The following NPAS3 variants were observed in gnomAD, a reference collection of about 807,000 sequenced individuals.
NPAS3 encodes the protein neuronal PAS domain-containing protein 3.
In NPAS3, 14 loss-of-function variants were observed where a neutral mutation model predicts 73.1. The ratio of observed to expected loss-of-function variants is 0.19; its 90% CI spans 0.13 to 0.30. The LOEUF (loss-of-function observed/expected upper bound fraction) is 0.30. NPAS3 is among the 10% of genes least tolerant of loss of function. NPAS3 has a pLI of 1.00. For synonymous variants in NPAS3, 620 were observed against 541.5 expected (o/e 1.14, Z -2.01); for missense variants, 1,096 against 1,250.0 (o/e 0.88, Z 1.86).
At chr14:33,057,410 A>G (rs932632492) in intron 2 of NPAS3, among the ~76,000 whole-genome samples, 1 of 152,218 alleles carries the variant, frequency 6.6e-6, no homozygotes, top group Non-Finnish European at 1.5e-5. Flanking sequence ...GTATACTTTG[A>G]AAAATCCTTT....
chr14:33,702,672 C>G (rs2060553554), intron 6 of NPAS3, among the ~76,000 whole-genome samples: 1 of 152,082 alleles, frequency 6.6e-6, no homozygotes. Context: ...TATCATTTGT[C>G]TGGCTCCTGT....
At chr14:33,770,199 TGGTTGA>T (rs2062607983) in intron 7 of NPAS3, among the ~76,000 whole-genome samples, 1 of 152,222 alleles carries the variant, frequency 6.6e-6, no homozygotes, top group Non-Finnish European at 1.5e-5. Flanking sequence ...TGTGTAGCCA[TGGTTGA>T]GAACCACTGG....
chr14:33,371,080 TG>T (rs1264892180), intron 4 of NPAS3, among the ~76,000 whole-genome samples: 6 of 152,050 alleles, frequency 3.9e-5, no homozygotes, highest in Non-Finnish European at 8.8e-5. Context: ...GAGCCCACTG[TG>T]GGGTATGTCA....
intron 4 of NPAS3, among the ~76,000 whole-genome samples, chr14:33,509,739 C>T (rs1027064626): frequency 3.3e-5 from 5 of 151,946 alleles, no homozygotes; most frequent in African/African-American, 7.3e-5. Context: ...GAACTAATGT[C>T]GGGAAACCTG....
intron 6 of NPAS3, among the ~76,000 whole-genome samples, chr14:33,691,094 G>T (rs2060224173): frequency 6.6e-6 from 1 of 152,178 alleles, no homozygotes; most frequent in Non-Finnish European, 1.5e-5. Context: ...GTTTTGATAA[G>T]CACATTTTAA....
At chr14:33,308,454 T>C (rs756563529) in intron 3 of NPAS3, among the ~76,000 whole-genome samples, 31 of 150,552 alleles carry the variant, frequency 2.1e-4, no homozygotes, top group Admixed American at 5.3e-4. Context: ...AAGAGTGTGA[T>C]TGAAGTTTGG....
intron 1 of NPAS3, among the ~76,000 whole-genome samples, chr14:33,001,317 T>G (rs2038797753): frequency 6.6e-6 from 1 of 152,160 alleles, no homozygotes; most frequent in African/African-American, 2.4e-5. Flanking sequence ...AACTCAGTCT[T>G]GTGTCCCCAC....
chr14:33,694,228 A>G (rs2060312423), intron 6 of NPAS3, among the ~76,000 whole-genome samples: 1 of 152,182 alleles, frequency 6.6e-6, no homozygotes, highest in Admixed American at 6.5e-5. Context: ...CTTGATTAAA[A>G]AAAGTTTTAT....
chr14:33,390,691 C>T (rs920391968), intron 4 of NPAS3, among the ~76,000 whole-genome samples: 1 of 152,076 alleles, frequency 6.6e-6, no homozygotes, highest in African/African-American at 2.4e-5. Flanking sequence ...CTGGACTATA[C>T]CTAGGATTTT....
chr14:33,747,844 T>C (rs2061850858), intron 7 of NPAS3, among the ~76,000 whole-genome samples: 1 of 152,194 alleles, frequency 6.6e-6, no homozygotes, highest in African/African-American at 2.4e-5. Context: ...GATATTCCCA[T>C]GGGTCACACC....
chr14:33,621,314 A>T (rs2140095477), intron 5 of NPAS3, among the ~76,000 whole-genome samples: 1 of 152,296 alleles, frequency 6.6e-6, no homozygotes, highest in South Asian at 2.1e-4. Flanking sequence ...TGAACATCTA[A>T]ACTGTCAAAA....
chr14:33,727,669 G>T (rs1327316708), intron 6 of NPAS3, among the ~76,000 whole-genome samples: 1 of 151,744 alleles, frequency 6.6e-6, no homozygotes, highest in Admixed American at 6.6e-5. Context: ...AGAAAGGGGG[G>T]AAAGCCCTCA....
At chr14:33,657,851 G>C (rs1377360868) in intron 5 of NPAS3, among the ~76,000 whole-genome samples, 1 of 152,146 alleles carries the variant, frequency 6.6e-6, no homozygotes, top group East Asian at 1.9e-4. Context: ...GCAGTCAGTG[G>C]ATAACATCTA....
chr14:33,307,593 A>ATGTGTGTGTGTGTGTGTGTGTATGTGTG (rs10528551), intron 3 of NPAS3, among the ~76,000 whole-genome samples: 1 of 139,034 alleles, frequency 7.2e-6, no homozygotes, highest in East Asian at 2.9e-4. Context: ...TTTTTTTTCA[A>ATGTGTGTGTGTGTGTGTGTGTATGTGTG]TGTGTGTGTG....
chr14:33,404,154 T>C (rs1457739849), intron 4 of NPAS3, among the ~76,000 whole-genome samples: 1 of 152,220 alleles, frequency 6.6e-6, no homozygotes, highest in East Asian at 1.9e-4. Flanking sequence ...AATTGCTGCC[T>C]CCAAGTCAAA....
chr14:33,166,242 G>A lies in NPAS3; in HGVS notation c.141-48940G>A, dbSNP rs182386631. Among the ~76,000 whole-genome samples the A allele has an allele frequency of 3.3e-5, 5 of 152,178 alleles. No individual in the cohort carries two copies. In the East Asian group the frequency reaches 9.7e-4, roughly 29 times the overall value. ...GGCTTCACCTTTTCATTTGGCACTG[G>A]GCTTTACTCCTCACATAGCTGGTCT... On this transcript the variant is annotated intron_variant, in intron 2 of 11. Transcript: ENST00000356141.
chr14:33,457,626 C>A (rs73265003), intron 4 of NPAS3, among the ~76,000 whole-genome samples: 1 of 152,146 alleles, frequency 6.6e-6, no homozygotes, highest in Non-Finnish European at 1.5e-5. Context: ...CAAGGAATTT[C>A]ATTCCTTCTT....
chr14:33,794,134 A>G (rs1045989547), intron 10 of NPAS3, 90 bp downstream of exon 10: 1 of 1,177,720 alleles, frequency 8.5e-7, no homozygotes, highest in Non-Finnish European at 1.2e-6. Flanking sequence ...CATGTTGTGA[A>G]TATTATCTTT....
intron 2 of NPAS3, among the ~76,000 whole-genome samples, chr14:33,110,751 C>T (rs2042865234): frequency 6.6e-6 from 1 of 152,170 alleles, no homozygotes; most frequent in African/African-American, 2.4e-5. Context: ...AAACCAAATG[C>T]GCATTTCTAT....
Sources: allele counts gnomAD v4.1 joint callset (sites outside exome capture counted in the v4.1 genomes callset), GRCh38; gene constraint gnomAD v4.1.1; transcripts MANE v1.5; gene names NCBI Gene and HGNC (gene_info 2026-07-23, HGNC 2026-07-21).